Variants in POU2F1 observed in about 807,000 individuals in gnomAD.
POU2F1 encodes the protein POU domain, class 2, transcription factor 1.
A neutral mutation model predicts 84.9 loss-of-function variants in POU2F1; 16 were observed. The observed-to-expected ratio is 0.19, with a 90% confidence interval of 0.13 to 0.29. POU2F1 has a LOEUF of 0.29. Ranked by LOEUF, POU2F1 falls within the 10% of genes least tolerant of loss-of-function variation. The pLI, the probability that POU2F1 is intolerant of heterozygous loss-of-function variation, is 1.00. For synonymous variants in POU2F1, 368 were observed against 368.3 expected, an observed-to-expected ratio of 1.00 and a Z score of 0.01; for missense variants, 738 against 942.6, an observed-to-expected ratio of 0.78 and a Z score of 2.84.
At chr1:167,237,772 A>AT (rs1216931950) in intron 1 of POU2F1, among the ~76,000 whole-genome samples, 16 of 29,932 alleles carry the variant, frequency 5.3e-4, no homozygotes, top group African/African-American at 1.4e-3. Context: ...ATATATATAT[A>AT]TTTTTTTTTT....
chr1:167,381,581 T>C (rs1197424446), intron 7 of POU2F1, among the ~76,000 whole-genome samples: 1 of 151,596 alleles, frequency 6.6e-6, no homozygotes, highest in Admixed American at 6.6e-5. Context: ...GAACTTCATT[T>C]CTGACCTTTG....
intron 1 of POU2F1, among the ~76,000 whole-genome samples, chr1:167,251,884 G>A (rs557370990): frequency 7.5e-5 from 11 of 146,506 alleles, no homozygotes; most frequent in South Asian, 6.5e-4. Context: ...TCACTGTGTC[G>A]CCCAGGCTGG....
At chr1:167,279,728 A>G (rs1343088684) in intron 1 of POU2F1, among the ~76,000 whole-genome samples, 1 of 152,066 alleles carries the variant, frequency 6.6e-6, no homozygotes, top group Admixed American at 6.5e-5. Flanking sequence ...AAAAAAAACC[A>G]TATGTTCCAG....
chr1:167,360,153 G>A (rs954985047), intron 2 of POU2F1, among the ~76,000 whole-genome samples: 13 of 151,918 alleles, frequency 8.6e-5, no homozygotes, highest in Admixed American at 7.9e-4. Context: ...TTGATAGTTG[G>A]TTTTGGCCCT....
intron 3 of POU2F1, among the ~76,000 whole-genome samples, chr1:167,366,883 G>GTA: frequency 6.6e-6 from 1 of 152,160 alleles, no homozygotes; most frequent in South Asian, 2.1e-4. Context: ...TTGTCACCTA[G>GTA]TAAGCATCTT....
At position 167,371,681 on chromosome 1, in the gene POU2F1, G is replaced by A. The variant is rs1264704607; in HGVS notation, c.283-236G>A. On this transcript the variant is annotated intron_variant, in intron 4 of 15. Coordinates refer to ENST00000367866, the MANE Select transcript of POU2F1 (RefSeq NM_002697.4). Reference sequence around the variant, plus strand: ...GGCTATGAAAAAAATCTATAAATTTGTGGGGGATGACTTTATTTTTAAAAA... The same window carrying A: ...GGCTATGAAAAAAATCTATAAATTTATGGGGGATGACTTTATTTTTAAAAA... Among the ~76,000 whole-genome samples, 11 of 152,274 alleles carry A rather than the reference G, an allele frequency of 7.2e-5. No homozygotes were observed. In the South Asian group the frequency reaches 2.3e-3, roughly 32 times the overall value.
chr1:167,353,529 T>C (rs184024767), intron 2 of POU2F1, among the ~76,000 whole-genome samples: 1 of 152,302 alleles, frequency 6.6e-6, no homozygotes, highest in Admixed American at 6.5e-5. Context: ...GCTCAGGTTT[T>C]ATCAACCTCA....
rs1340695549 is a variant in POU2F1 at position 167,284,383 on chromosome 1, A to G, written c.62-48087A>G. On this transcript the variant is annotated intron_variant, in intron 1 of 15. Transcript: ENST00000367866. ...TCTGATAGACCATGCTGCATCTCCT[A>G]CTGTCCTGGTTTTTTATATAATAAG... 2.0e-5 allele frequency among the ~76,000 whole-genome samples: 3 copies of G among 152,156 alleles called. No individual in the cohort carries two copies. In the South Asian group the frequency reaches 6.2e-4, roughly 32 times the overall value.
At chr1:167,226,324 A>T (rs967974409) in intron 1 of POU2F1, among the ~76,000 whole-genome samples, 12 of 152,118 alleles carry the variant, frequency 7.9e-5, no homozygotes, top group Non-Finnish European at 1.3e-4. Flanking sequence ...TGCTTAAAGG[A>T]TGTAAATATC....
At chr1:167,396,739 G>A (rs1648837568) in intron 10 of POU2F1, 1 of 210,142 alleles carries the variant, frequency 4.8e-6, no homozygotes, top group Non-Finnish European at 9.4e-6. Flanking sequence ...TAAGGCTTTT[G>A]TATTTAGATA....
At position 167,424,032 on chromosome 1, in the gene POU2F1, G is replaced by T. The variant is rs1263131479; in HGVS notation, c.*8222G>T. ...GTCTCATGGTCTAAAAGTATAGGAA[G>T]AAATGAAATGCACTTTCAGAAGCTA... On this transcript the variant is annotated 3_prime_UTR_variant, in exon 16 of 16. Coordinates refer to ENST00000367866, the MANE Select transcript of POU2F1 (RefSeq NM_002697.4). The T allele has an allele frequency of 6.6e-6, 1 of 152,234 alleles. No individual in the cohort carries two copies. The highest frequency in any genetic ancestry group is 1.5e-5 in the Non-Finnish European group (1 of 68,050). 9.4% of individuals were successfully genotyped at this position (152,234 alleles called of 1,614,324 possible). A position where few individuals can be genotyped will look rare whatever the true frequency, so the allele number is the denominator to read the frequency against.
chr1:167,235,822 C>T (rs1475459662), intron 1 of POU2F1, among the ~76,000 whole-genome samples: 3 of 152,150 alleles, frequency 2.0e-5, no homozygotes, highest in African/African-American at 7.2e-5. Context: ...TGAATTAATG[C>T]AGGAACAGAA....
chr1:167,383,951 G>T lies in POU2F1; in HGVS notation c.813G>T (p.Gln271His). 6.2e-7 allele frequency: 1 copy of T among 1,610,522 alleles called. No individual in the cohort carries two copies. Among genetic ancestry groups the T allele is most frequent in the Non-Finnish European group, 8.5e-7 (1 of 1,177,718 alleles). Residue 271 changes from glutamine (Q) to histidine (H), a missense_variant and splice_region_variant, in exon 8 of 16, where the codon CAG becomes CAT. Gln to His is a conservative substitution (Grantham distance 24). This residue lies in a region of POU2F1 where 163 missense variants were observed against 214.4 expected (regional missense o/e 0.76). Transcript: ENST00000367866. ...AGCCAAGCATCACCCTCACCTCCCA[G>T]GTCAGTTTTCTTCTATGGGGGCTGC... is the stretch of plus-strand genomic sequence containing the variant. ...QSQPSITLTS[Q>H]PATPTRTIAA... is the part of the protein sequence containing the mutation.
Position 167,412,130 on chromosome 1 carries a change from T to G in POU2F1, c.1727T>G (p.Leu576Trp). ...TSTTQTTSTP[L>W]SSPLGTSQVM... ...ACAACACAGACCACCTCCACTCCTT[T>G]GTCCTCCCCTCTTGGGACCAGCCAG... The change falls in exon 14 of 16, where the codon TTG (leucine) becomes TGG (tryptophan). Residue 576 changes from leucine (L) to tryptophan (W), a missense_variant. Transcript: ENST00000367866. The G allele has an allele frequency of 2.5e-6, 4 of 1,614,166 alleles. No individual in the cohort carries two copies. The highest frequency in any genetic ancestry group is 3.4e-6 in the Non-Finnish European group (4 of 1,180,020).
chr1:167,331,103 A>G (rs1657055433), intron 1 of POU2F1, among the ~76,000 whole-genome samples: 1 of 152,090 alleles, frequency 6.6e-6, no homozygotes, highest in African/African-American at 2.4e-5. Flanking sequence ...GAAGTTGTAG[A>G]ACTGCCCTCA....
intron 1 of POU2F1, among the ~76,000 whole-genome samples, chr1:167,307,047 A>G (rs1655119922): frequency 6.6e-6 from 1 of 152,232 alleles, no homozygotes; most frequent in Admixed American, 6.5e-5. Context: ...CAATATATTT[A>G]TAATACCACA....
chr1:167,302,472 G>A (rs1476434312), intron 1 of POU2F1, among the ~76,000 whole-genome samples: 1 of 151,996 alleles, frequency 6.6e-6, no homozygotes, highest in Non-Finnish European at 1.5e-5. Flanking sequence ...TTGGCTAAGA[G>A]GGTCTCCTTC....
intron 7 of POU2F1, among the ~76,000 whole-genome samples, chr1:167,381,920 T>C (rs1647596620): frequency 6.6e-6 from 1 of 152,138 alleles, no homozygotes; most frequent in Non-Finnish European, 1.5e-5. Flanking sequence ...CTCTCTTTTT[T>C]TATTATTGTT....
At chr1:167,258,646 A>G (rs929540602) in intron 1 of POU2F1, among the ~76,000 whole-genome samples, 1 of 152,192 alleles carries the variant, frequency 6.6e-6, no homozygotes, top group African/African-American at 2.4e-5. Flanking sequence ...AGGGTCAGAT[A>G]GTAAATATTT....
Sources: gnomAD v4.1 joint callset for allele counts (sites outside exome capture counted in the v4.1 genomes callset) on GRCh38, gnomAD v4.1.1 for gene constraint, gnomAD v4.1.1 regional missense constraint, MANE v1.5 for transcripts, NCBI Gene and HGNC (gene_info 2026-07-23, HGNC 2026-07-21) for gene names.